The following DIAPH2 variants were observed in gnomAD, a reference collection of about 807,000 sequenced individuals.
DIAPH2 encodes protein diaphanous homolog 2.
A neutral mutation model predicts 92.7 loss-of-function variants in DIAPH2; 35 were observed. That is an observed-to-expected ratio of 0.38 (90% CI 0.29 to 0.50). The LOEUF (loss-of-function observed/expected upper bound fraction) is 0.50. Among genes scored for constraint, DIAPH2 ranks in the 20% least tolerant of loss-of-function variants. The pLI is 0.94. For synonymous variants in DIAPH2, 301 were observed against 280.4 expected (o/e 1.07, Z -0.73); for missense variants, 701 against 819.5 (o/e 0.86, Z 1.77).
At chrX:96,849,973 T>G (rs1184658754) in intron 4 of DIAPH2, among the ~76,000 whole-genome samples, 1 of 111,056 alleles carries the variant, frequency 9.0e-6, no homozygotes, top group Non-Finnish European at 1.9e-5. Flanking sequence ...TTTTTTTTAA[T>G]TTGACACCAA....
In DIAPH2 at chrX:97,604,500, G is replaced by C. The variant is rs974032266; in HGVS notation, c.*5183G>C. 5 of 111,888 alleles carry C rather than the reference G, an allele frequency of 4.5e-5. No homozygotes were observed. The highest frequency in any genetic ancestry group is 9.4e-5 in the Non-Finnish European group (5 of 53,135). 9.2% of individuals were successfully genotyped at this position (111,888 alleles called of 1,213,427 possible). A position where few individuals can be genotyped will look rare whatever the true frequency, so the allele number is the denominator to read the frequency against. On this transcript the variant is annotated 3_prime_UTR_variant, in exon 27 of 27. Coordinates refer to ENST00000324765, the MANE Select transcript of DIAPH2 (RefSeq NM_006729.5). ...TGGTGCTCAAACCAGATCGAAGTTT[G>C]TCTCTAAAAGCTATTGTCTGCACAG... is the stretch of plus-strand genomic sequence containing the variant.
rs140979023 is a variant in DIAPH2, at chrX:97,478,784, G to A, written c.3241+49039G>A. Among the ~76,000 whole-genome samples the A allele has an allele frequency of 2.9e-3, 328 of 111,716 alleles. 1 individual carries two copies. Among genetic ancestry groups the A allele is most frequent in the African/African-American group, 9.9e-3 (305 of 30,841 alleles). ...TGCCAGTTGAAAAATAAACAGATAT[G>A]CAAAATCTTGGTTTCTTCCTGTAAT... On this transcript the variant is annotated intron_variant, in intron 26 of 26. Coordinates refer to ENST00000324765, the MANE Select transcript of DIAPH2 (RefSeq NM_006729.5).
At chrX:96,795,512 T>C (rs1052675771) in intron 4 of DIAPH2, among the ~76,000 whole-genome samples, 1 of 111,985 alleles carries the variant, frequency 8.9e-6, no homozygotes, top group Non-Finnish European at 1.9e-5. Flanking sequence ...AACTATTTTC[T>C]GTCTACTTAT....
chrX:96,990,035 A>T (rs1159844308), intron 17 of DIAPH2, among the ~76,000 whole-genome samples: 1 of 112,230 alleles, frequency 8.9e-6, no homozygotes, highest in African/African-American at 3.2e-5. Flanking sequence ...AGTTACTTAC[A>T]TTTCTACATA....
intron 23 of DIAPH2, among the ~76,000 whole-genome samples, chrX:97,301,069 C>A (rs2068699610): frequency 1.0e-5 from 1 of 96,305 alleles, no homozygotes; most frequent in African/African-American, 3.8e-5. Flanking sequence ...TTTGGGAGGC[C>A]GAGGTGGGCG....
intron 26 of DIAPH2, among the ~76,000 whole-genome samples, chrX:97,457,999 T>C (rs181462420): frequency 8.9e-6 from 1 of 112,016 alleles, no homozygotes; most frequent in East Asian, 2.8e-4. Flanking sequence ...CTTTACAACA[T>C]GGCATCTGGC....
chrX:96,845,566 T>C (rs1302260498), intron 4 of DIAPH2, among the ~76,000 whole-genome samples: 1 of 112,281 alleles, frequency 8.9e-6, no homozygotes, highest in African/African-American at 3.2e-5. Context: ...TCTGTCTCTG[T>C]TAATCCTAAC....
chrX:96,823,534 G>A (rs2064792203), intron 4 of DIAPH2, among the ~76,000 whole-genome samples: 1 of 111,033 alleles, frequency 9.0e-6, no homozygotes, highest in African/African-American at 3.3e-5. Flanking sequence ...TATATTAACA[G>A]TACGTCTCTC....
chrX:97,598,040 G>A (rs1164318365), intron 26 of DIAPH2, among the ~76,000 whole-genome samples: 4 of 111,075 alleles, frequency 3.6e-5, no homozygotes, highest in East Asian at 2.8e-4. Context: ...ACAGACTACC[G>A]GGAAATCAGT....
chrX:96,759,544 C>G (rs1218165292), intron 4 of DIAPH2, among the ~76,000 whole-genome samples: 1 of 111,719 alleles, frequency 9.0e-6, no homozygotes, highest in African/African-American at 3.2e-5. Context: ...CATTTTTGCA[C>G]TCAAGTTATT....
rs754787072 is a variant in DIAPH2 at position 97,178,707 on chromosome X, G to A, written c.2719+36913G>A. Among the ~76,000 whole-genome samples the A allele has an allele frequency of 2.6e-4, 29 of 110,631 alleles. No homozygotes were observed. In the East Asian group the frequency reaches 6.5e-3, roughly 25 times the overall value. On this transcript the variant is annotated intron_variant, in intron 22 of 26. Coordinates refer to ENST00000324765, the MANE Select transcript of DIAPH2 (RefSeq NM_006729.5). ...TCTTTCCGTGCTTATTTTACAACTG[G>A]TATGGTCTGAATGTTCTCCAAAATT...
At chrX:96,709,893 G>T (rs1009508392) in intron 1 of DIAPH2, among the ~76,000 whole-genome samples, 2 of 111,898 alleles carry the variant, frequency 1.8e-5, no homozygotes, top group Non-Finnish European at 3.8e-5. Context: ...ATCACAAATT[G>T]TTGCTTTGTT....
intron 4 of DIAPH2, chrX:96,793,540 C>T: frequency 2.8e-6 from 1 of 354,986 alleles, no homozygotes; most frequent in Non-Finnish European, 5.4e-6. Context: ...CTGGGAAGTC[C>T]AAGGTCTATG....
intron 23 of DIAPH2, among the ~76,000 whole-genome samples, chrX:97,253,096 C>T (rs1045526645): frequency 2.7e-5 from 3 of 109,936 alleles, no homozygotes; most frequent in African/African-American, 9.9e-5. Flanking sequence ...CAAGACCAGC[C>T]TGGCCAACAT....
intron 23 of DIAPH2, among the ~76,000 whole-genome samples, chrX:97,281,681 T>G (rs1226719341): frequency 9.2e-6 from 1 of 108,329 alleles, no homozygotes; most frequent in Non-Finnish European, 1.9e-5. Flanking sequence ...GAGGCGGAGG[T>G]TGCAGTGAGC....
At chrX:97,288,208 GT>G (rs1281730579) in intron 23 of DIAPH2, among the ~76,000 whole-genome samples, 3 of 111,052 alleles carry the variant, frequency 2.7e-5, no homozygotes, top group African/African-American at 6.6e-5. Flanking sequence ...AATTAGTATT[GT>G]TGCTACTTTA....
intron 22 of DIAPH2, among the ~76,000 whole-genome samples, chrX:97,163,011 C>T (rs1166741877): frequency 2.7e-5 from 3 of 110,968 alleles, no homozygotes; most frequent in Non-Finnish European, 3.8e-5. Context: ...TCATCTGATT[C>T]GCAATTTCTT....
intron 4 of DIAPH2, among the ~76,000 whole-genome samples, chrX:96,824,484 TAA>T (rs1409845090): frequency 9.9e-6 from 1 of 100,932 alleles, no homozygotes; most frequent in Non-Finnish European, 2.0e-5. Flanking sequence ...ACTAAGCTCT[TAA>T]AAAAAAAAAA....
chrX:97,039,286 T>A (rs5920705), intron 17 of DIAPH2, among the ~76,000 whole-genome samples: 8,849 of 111,267 alleles, frequency 0.08, 398 homozygotes, highest in African/African-American at 0.16. Flanking sequence ...ATTTCTTTAA[T>A]TATATTTATA....
Sources: gnomAD v4.1 joint callset for allele counts (sites outside exome capture counted in the v4.1 genomes callset) on GRCh38, gnomAD v4.1.1 for gene constraint, MANE v1.5 for transcripts, NCBI Gene and HGNC (gene_info 2026-07-23, HGNC 2026-07-21) for gene names.